The following KIF16B variants were observed in gnomAD, a reference collection of about 807,000 sequenced individuals.
KIF16B encodes the protein kinesin-like protein KIF16B.
Under a neutral mutation model 156.3 loss-of-function variants are expected in KIF16B, and 98 were observed. That is an observed-to-expected ratio of 0.63 (90% CI 0.53 to 0.74). The LOEUF (loss-of-function observed/expected upper bound fraction) is 0.74. Ranked by LOEUF, KIF16B falls within the 30% of genes least tolerant of loss-of-function variation. KIF16B has a pLI of 0.00. For synonymous variants in KIF16B, 564 were observed against 583.7 expected (o/e 0.97, Z 0.49); for missense variants, 1,421 against 1,606.5 (o/e 0.88, Z 1.97).
Position 16,491,620 on chromosome 20 carries a change from G to A in KIF16B, c.1302+2671C>T, listed in dbSNP as rs79336449. ...ATTTCCAAGCTGGGAAGTAGGGTAC[G>A]TGGCAGTTATGGATGAGTGCCATGA... is the stretch of plus-strand genomic sequence containing the variant. On this transcript the variant is annotated intron_variant, in intron 12 of 25. Coordinates refer to ENST00000354981, the MANE Select transcript of KIF16B (RefSeq NM_024704.5). 9.4e-3 allele frequency among the ~76,000 whole-genome samples: 1,438 copies of A among 152,266 alleles called. 34 individuals carry two copies. The highest frequency in any genetic ancestry group is 0.033 in the African/African-American group (1,362 of 41,536).
chr20:16,500,859 C>G (rs2068601541), intron 10 of KIF16B, among the ~76,000 whole-genome samples: 1 of 152,088 alleles, frequency 6.6e-6, no homozygotes, highest in Non-Finnish European at 1.5e-5. Flanking sequence ...GTAATTCATT[C>G]TACTTTCATC....
chr20:16,406,184 G>A (rs776259410), intron 16 of KIF16B, among the ~76,000 whole-genome samples, 190 bp downstream of exon 16: 11 of 152,124 alleles, frequency 7.2e-5, no homozygotes, highest in African/African-American at 2.4e-5. Context: ...GAATTTACTT[G>A]CTTGCTCTCT....
At chr20:16,466,405 T>C (rs1343128701) in intron 12 of KIF16B, among the ~76,000 whole-genome samples, 1 of 152,244 alleles carries the variant, frequency 6.6e-6, no homozygotes, top group Non-Finnish European at 1.5e-5. Context: ...AATCTCATCC[T>C]GAATTGTAGC....
intron 22 of KIF16B, chr20:16,367,566 C>T: frequency 6.2e-7 from 1 of 1,612,894 alleles, no homozygotes; most frequent in Non-Finnish European, 8.5e-7. Flanking sequence ...CCATGACTTT[C>T]ACTGTTGTGT....
At chr20:16,278,885 T>C (rs1399393571) in intron 25 of KIF16B, among the ~76,000 whole-genome samples, 1 of 152,170 alleles carries the variant, frequency 6.6e-6, no homozygotes, top group East Asian at 1.9e-4. Flanking sequence ...ACACCGGGCA[T>C]CTTAGCTGCT....
In KIF16B at chr20:16,501,212, C is replaced by T. The variant is rs1005681115; in HGVS notation, c.1176+3160G>A. Among the ~76,000 whole-genome samples the T allele has an allele frequency of 6.6e-5, 10 of 152,000 alleles. No individual in the cohort carries two copies. In the East Asian group the frequency reaches 1.9e-3, roughly 29 times the overall value. ...TGCAATACCAAGAATTGAACCAGCA[C>T]TTTTATACACTGATGGTGGTCTATT... On this transcript the variant is annotated intron_variant, in intron 10 of 25. Coordinates refer to ENST00000354981, the MANE Select transcript of KIF16B (RefSeq NM_024704.5).
chr20:16,572,831 T>G (rs1600725683), intron 1 of KIF16B, among the ~76,000 whole-genome samples: 1 of 152,182 alleles, frequency 6.6e-6, no homozygotes, highest in Non-Finnish European at 1.5e-5. Context: ...CATGGTTAAT[T>G]GTTAAGAGAA....
rs1010978986 is a variant in KIF16B, at chr20:16,287,298, A to G, written c.3796-13887T>C. ...CTCTTCCAATTCTTTTAATATTTCT[A>G]ATGAATAATTCTTAGCAGGTATTTC... On this transcript the variant is annotated intron_variant, in intron 25 of 25. Coordinates refer to ENST00000354981, the MANE Select transcript of KIF16B (RefSeq NM_024704.5). Among the ~76,000 whole-genome samples the G allele has an allele frequency of 5.3e-5, 8 of 152,360 alleles. No individual in the cohort carries two copies. In the South Asian group the frequency reaches 1.7e-3, roughly 32 times the overall value.
At chr20:16,339,080 A>G (rs1047039465) in intron 23 of KIF16B, among the ~76,000 whole-genome samples, 1 of 152,218 alleles carries the variant, frequency 6.6e-6, no homozygotes, top group Non-Finnish European at 1.5e-5. Flanking sequence ...TTAAATGCTC[A>G]TGGAGTAATA....
intron 3 of KIF16B, among the ~76,000 whole-genome samples, chr20:16,521,076 A>C (rs1026649673): frequency 6.6e-6 from 1 of 151,652 alleles, no homozygotes; most frequent in Non-Finnish European, 1.5e-5. Context: ...CAGTGCAAAA[A>C]GGCTGAAAAT....
chr20:16,525,292 T>C (rs764482856), intron 3 of KIF16B, among the ~76,000 whole-genome samples: 3 of 152,148 alleles, frequency 2.0e-5, no homozygotes, highest in East Asian at 1.9e-4. Context: ...CGTTTTAACA[T>C]ATGGAGACTT....
In KIF16B at chr20:16,381,694, C is replaced by A. The variant is rs750716383; in HGVS notation, c.1838G>T (p.Arg613Met). ...REELEKLESK[R>M]KLIEEMEEKQ... Reference sequence around the variant, plus strand: ...GAAACTTGAACCCCATGTGACTTACCTTTTACTTTCTAATTTTTCAAGTTC... The same window carrying A: ...GAAACTTGAACCCCATGTGACTTACATTTTACTTTCTAATTTTTCAAGTTC... Residue 613 changes from arginine to methionine, a missense_variant and splice_region_variant, in exon 18 of 26, where the codon AGG (arginine) becomes ATG (methionine). Physicochemically the swap from Arg to Met is moderately conservative, Grantham distance 91. Transcript: ENST00000354981. 1.1e-5 allele frequency: 17 copies of A among 1,611,556 alleles called. No homozygotes were observed. The highest frequency in any genetic ancestry group is 2.2e-5 in the East Asian group (1 of 44,818).
intron 11 of KIF16B, 76 bp downstream of exon 11, chr20:16,497,537 C>G (rs1322791707): frequency 8.6e-7 from 1 of 1,165,254 alleles, no homozygotes; most frequent in Non-Finnish European, 1.3e-6. Context: ...TCTCAAACGG[C>G]AAGTCCTAAA....
At chr20:16,273,800 C>T (rs2063019231) in intron 25 of KIF16B, among the ~76,000 whole-genome samples, 1 of 152,066 alleles carries the variant, frequency 6.6e-6, no homozygotes. Context: ...TCATTAAAAC[C>T]AGCACGTGAG....
chr20:16,539,780 A>T (rs974804012), intron 1 of KIF16B, among the ~76,000 whole-genome samples: 2 of 152,234 alleles, frequency 1.3e-5, no homozygotes, highest in African/African-American at 4.8e-5. Context: ...GTTAATTCAA[A>T]TATCTTGAAG....
At chr20:16,498,399 A>C (rs751491620) in intron 10 of KIF16B, among the ~76,000 whole-genome samples, 2 of 152,090 alleles carry the variant, frequency 1.3e-5, no homozygotes, top group Non-Finnish European at 2.9e-5. Context: ...AAGAAAGAGA[A>C]TATCCCTCCT....
In KIF16B at chr20:16,494,390, A is replaced by C. The variant is rs1163067040; in HGVS notation, c.1243-40T>G. 5 of 1,322,228 alleles carry C rather than the reference A, an allele frequency of 3.8e-6. No individual in the cohort carries two copies. The South Asian group carries it at 5.2e-5, about 14-fold the overall frequency. 81.9% of individuals were successfully genotyped at this position (1,322,228 alleles called of 1,614,324 possible). ...ATACATACGTGACTGCTTCATAAAG[A>C]AAGTTTATAATTTTCTTCTAGTTTC... On this transcript the variant is annotated intron_variant, in intron 11 of 25. Transcript: ENST00000354981.
Position 16,573,308 on chromosome 20 carries a change from A to T in KIF16B, c.-33T>A. Reference sequence around the variant, plus strand: ...CCCGAACCAGCCCGCGCGGGGTCCCACTAGCCCAGAACTCCGCGGTCGCCG... The same window carrying T: ...CCCGAACCAGCCCGCGCGGGGTCCCTCTAGCCCAGAACTCCGCGGTCGCCG... On this transcript the variant is annotated 5_prime_UTR_variant, in exon 1 of 26. Coordinates refer to ENST00000354981, the MANE Select transcript of KIF16B (RefSeq NM_024704.5). The T allele has an allele frequency of 6.2e-7, 1 of 1,608,408 alleles. No individual in the cohort carries two copies. The highest frequency in any genetic ancestry group is 8.5e-7 in the Non-Finnish European group (1 of 1,178,264).
rs535881292 is a variant in KIF16B, at chr20:16,297,077, G to A, written c.3795+15258C>T. ...ACTTGAGCCTGCTGGCTTTCAGCCT[G>A]GAACTTACACGGTCATCTCTCCTGG... On this transcript the variant is annotated intron_variant, in intron 25 of 25. Coordinates refer to ENST00000354981, the MANE Select transcript of KIF16B (RefSeq NM_024704.5). 5.9e-5 allele frequency among the ~76,000 whole-genome samples: 9 copies of A among 152,306 alleles called. No individual in the cohort carries two copies. In the South Asian group the frequency reaches 1.9e-3, roughly 32 times the overall value.
Sources: gnomAD v4.1 joint callset for allele counts (sites outside exome capture counted in the v4.1 genomes callset) on GRCh38, gnomAD v4.1.1 for gene constraint, MANE v1.5 for transcripts, NCBI Gene and HGNC (gene_info 2026-07-23, HGNC 2026-07-21) for gene names.